The following DCDC2C variants were observed in gnomAD, a reference collection of about 807,000 sequenced individuals.
DCDC2C encodes doublecortin domain-containing protein 2C.
Under a neutral mutation model 45.0 loss-of-function variants are expected in DCDC2C, and 44 were observed. The ratio of observed to expected loss-of-function variants is 0.98; its 90% CI spans 0.77 to 1.26. The LOEUF is 1.26. Among genes scored for constraint, DCDC2C ranks in the 50% most tolerant of loss-of-function variants. The probability of loss-of-function intolerance (pLI) is 0.00; values close to 1 mark genes in which losing one functional copy is unlikely to be tolerated. For missense variants in DCDC2C, 447 were observed against 468.9 expected, an observed-to-expected ratio of 0.95 and a Z score of 0.43; for synonymous variants, 187 against 178.8, an observed-to-expected ratio of 1.05 and a Z score of -0.37.
chr2:3,823,786 A>G (rs185701900), intron 10 of DCDC2C, among the ~76,000 whole-genome samples: 21 of 152,042 alleles, frequency 1.4e-4, no homozygotes, highest in Non-Finnish European at 2.6e-4. Flanking sequence ...TTGAATTTTC[A>G]TCAAATTCAA....
At chr2:3,813,519 C>T (rs1322983749) in intron 10 of DCDC2C, among the ~76,000 whole-genome samples, 1 of 151,934 alleles carries the variant, frequency 6.6e-6, no homozygotes, top group African/African-American at 2.4e-5. Context: ...TTAAAGTCTC[C>T]CATTATTATT....
chr2:3,804,268 A>G (rs1175935285), intron 10 of DCDC2C, among the ~76,000 whole-genome samples: 1 of 152,238 alleles, frequency 6.6e-6, no homozygotes, highest in African/African-American at 2.4e-5. Context: ...TTTAGTTTTC[A>G]GCCTCTGCAA....
At chr2:3,711,809 CTT>C (rs1668218330) in intron 2 of DCDC2C, among the ~76,000 whole-genome samples, 1 of 152,222 alleles carries the variant, frequency 6.6e-6, no homozygotes, top group African/African-American at 2.4e-5. Context: ...ATTTTAACCT[CTT>C]TACTATTTAC....
intron 10 of DCDC2C, among the ~76,000 whole-genome samples, chr2:3,833,997 T>G (rs552587429): frequency 1.3e-5 from 2 of 152,220 alleles, no homozygotes; most frequent in Non-Finnish European, 2.9e-5. Context: ...TATTTTCTAT[T>G]TGTTTTTAAA....
Position 3,741,955 on chromosome 2 carries a change from C to A in DCDC2C, c.452C>A (p.Ala151Glu). Residue 151 changes from alanine (A) to glutamate (E), a missense_variant, in exon 4 of 11, where the codon GCA (alanine) becomes GAA (glutamate). Physicochemically the swap from Ala to Glu is moderately radical, Grantham distance 107 (BLOSUM62 -1). Transcript: ENST00000399143. ...FTNGRLFIPP[A>E]KIIIPKFSLS... ...AATGGAAGATTATTTATTCCACCTG[C>A]AAAAATCATTATACCCAAATTTAGT... 6.5e-7 allele frequency: 1 copy of A among 1,548,196 alleles called. No individual in the cohort carries two copies. The highest frequency in any genetic ancestry group is 8.7e-7 in the Non-Finnish European group (1 of 1,145,990).
In DCDC2C at chr2:3,704,002, A is replaced by T; in HGVS notation, c.251A>T (p.Tyr84Phe). 2 of 1,288,148 alleles carry T rather than the reference A, an allele frequency of 1.6e-6. No individual in the cohort carries two copies. Among genetic ancestry groups the T allele is most frequent in the Non-Finnish European group, 2.0e-6 (2 of 1,017,168 alleles). 79.8% of individuals were successfully genotyped at this position (1,288,148 alleles called of 1,614,324 possible). A position where few individuals can be genotyped will look rare whatever the true frequency, so the allele number is the denominator to read the frequency against. The change falls in exon 1 of 11, where the codon TAC becomes TTC. Residue 84 changes from tyrosine to phenylalanine, a missense_variant. Physicochemically the swap from Tyr to Phe is conservative, Grantham distance 22. Coordinates refer to ENST00000399143, the MANE Select transcript of DCDC2C (RefSeq NM_001287444.2). Reference protein sequence around the residue: ...GLDALQAGGKYVAAGRERFKE... With the variant: ...GLDALQAGGKFVAAGRERFKE... ...GACGCGCTGCAGGCGGGCGGCAAGT[A>T]CGTGGCGGCGGGCCGCGAGCGCTTC...
At chr2:3,845,165 T>A (rs1045701683) in intron 10 of DCDC2C, among the ~76,000 whole-genome samples, 1 of 152,132 alleles carries the variant, frequency 6.6e-6, no homozygotes, top group Non-Finnish European at 1.5e-5. Flanking sequence ...TGTGGCTCAG[T>A]TTAGAGCTAA....
chr2:3,731,803 G>A (rs550533014), intron 3 of DCDC2C, among the ~76,000 whole-genome samples: 23 of 152,280 alleles, frequency 1.5e-4, no homozygotes, highest in African/African-American at 4.3e-4. Flanking sequence ...ATGAACTGTC[G>A]TGTTCTTGAG....
chr2:3,835,902 G>C (rs1672063974), intron 10 of DCDC2C, among the ~76,000 whole-genome samples: 1 of 152,006 alleles, frequency 6.6e-6, no homozygotes, highest in South Asian at 2.1e-4. Flanking sequence ...CACCACCATG[G>C]CTGGCTAATT....
chr2:3,791,535 G>A (rs2148190555), intron 10 of DCDC2C, among the ~76,000 whole-genome samples: 1 of 152,330 alleles, frequency 6.6e-6, no homozygotes, highest in South Asian at 2.1e-4. Flanking sequence ...ACAAAGATCA[G>A]CGGATGCAGG....
At chr2:3,750,844 C>CT (rs1209001750) in intron 4 of DCDC2C, among the ~76,000 whole-genome samples, 1 of 152,104 alleles carries the variant, frequency 6.6e-6, no homozygotes, top group African/African-American at 2.4e-5. Context: ...TTTTGAAATT[C>CT]TTTTCACCGG....
intron 3 of DCDC2C, among the ~76,000 whole-genome samples, chr2:3,737,409 A>G (rs1475851889): frequency 6.6e-6 from 1 of 150,688 alleles, no homozygotes; most frequent in African/African-American, 2.4e-5. Context: ...TTACTACCCA[A>G]CTGCAGTGGG....
intron 10 of DCDC2C, among the ~76,000 whole-genome samples, chr2:3,814,445 T>G (rs764332052): frequency 3.9e-5 from 6 of 152,202 alleles, no homozygotes; most frequent in Non-Finnish European, 8.8e-5. Context: ...AGTTCTTAGC[T>G]TCTTTGCATT....
At chr2:3,745,882 T>TC (rs1307773965) in intron 4 of DCDC2C, among the ~76,000 whole-genome samples, 1 of 152,156 alleles carries the variant, frequency 6.6e-6, no homozygotes, top group East Asian at 1.9e-4. Flanking sequence ...ACTAATTTTT[T>TC]TTTTTTTTTT....
intron 10 of DCDC2C, among the ~76,000 whole-genome samples, chr2:3,837,970 G>A (rs1672122497): frequency 6.6e-6 from 1 of 152,164 alleles, no homozygotes; most frequent in Non-Finnish European, 1.5e-5. Context: ...CACAGAGGCA[G>A]GGCCATGAAC....
intron 10 of DCDC2C, among the ~76,000 whole-genome samples, chr2:3,837,173 A>T (rs116078315): frequency 0.01 from 1,579 of 152,266 alleles, 34 homozygotes; most frequent in African/African-American, 0.035. Flanking sequence ...TACACTGGCC[A>T]ATCTCTTAAG....
intron 9 of DCDC2C, 37 bp downstream of exon 9, chr2:3,778,921 C>G: frequency 6.5e-7 from 1 of 1,530,036 alleles, no homozygotes; most frequent in South Asian, 1.2e-5. Flanking sequence ...TGGCTTGGAT[C>G]TAAGGCACCT....
chr2:3,755,723 A>G (rs1438029351), intron 6 of DCDC2C, among the ~76,000 whole-genome samples: 1 of 151,586 alleles, frequency 6.6e-6, no homozygotes, highest in African/African-American at 2.4e-5. Context: ...TGTTGCCTGC[A>G]TATGTTGTAT....
At chr2:3,748,566 C>T (rs970603046) in intron 4 of DCDC2C, among the ~76,000 whole-genome samples, 1 of 152,032 alleles carries the variant, frequency 6.6e-6, no homozygotes, top group Non-Finnish European at 1.5e-5. Flanking sequence ...GCATGTTGGA[C>T]ATCAGAGTGG....
Sources: allele counts gnomAD v4.1 joint callset (sites outside exome capture counted in the v4.1 genomes callset), GRCh38; gene constraint gnomAD v4.1.1; transcripts MANE v1.5; gene names NCBI Gene and HGNC (gene_info 2026-07-23, HGNC 2026-07-21).